The following MYO6 variants were observed in gnomAD, a reference collection of about 807,000 sequenced individuals.
MYO6 encodes the protein unconventional myosin-VI.
A neutral mutation model predicts 178.7 loss-of-function variants in MYO6; 74 were observed. The ratio of observed to expected loss-of-function variants is 0.41; its 90% CI spans 0.34 to 0.50. The LOEUF (loss-of-function observed/expected upper bound fraction) is 0.50, where lower values mean the gene tolerates loss of function less well. Among genes scored for constraint, MYO6 ranks in the 20% least tolerant of loss-of-function variants. MYO6 has a pLI of 0.09. For synonymous variants in MYO6, 477 were observed against 504.6 expected, an observed-to-expected ratio of 0.95 and a Z score of 0.73; for missense variants, 1,330 against 1,547.4, an observed-to-expected ratio of 0.86 and a Z score of 2.36.
At chr6:75,804,674 G>A (rs1769825753) in intron 1 of MYO6, among the ~76,000 whole-genome samples, 1 of 151,986 alleles carries the variant, frequency 6.6e-6, no homozygotes, top group Non-Finnish European at 1.5e-5. Context: ...GCAGTATGTG[G>A]TACATGGTAG....
chr6:75,848,334 G>A lies in MYO6; in HGVS notation c.898-17G>A, dbSNP rs775081960. ...ATAATGTAACGATCAGTTAATTGGT[G>A]TCTTCTTGTTTTGTAGTACCTTAAG... On this transcript the variant is annotated splice_polypyrimidine_tract_variant and intron_variant, in intron 10 of 34. Coordinates refer to ENST00000369977, the MANE Select transcript of MYO6 (RefSeq NM_004999.4). 4.3e-6 allele frequency: 7 copies of A among 1,609,666 alleles called. No homozygotes were observed. In the East Asian group the frequency reaches 1.3e-4, roughly 31 times the overall value.
chr6:75,905,538 G>C (rs567027929), intron 30 of MYO6, among the ~76,000 whole-genome samples: 29 of 152,360 alleles, frequency 1.9e-4, no homozygotes, highest in Admixed American at 1.6e-3. Flanking sequence ...CTGACCCCTT[G>C]CTCTTCTGGA....
At position 75,917,054 on chromosome 6, in the gene MYO6, G is replaced by A. The variant is rs1035860670; in HGVS notation, c.*2042G>A. On this transcript the variant is annotated 3_prime_UTR_variant, in exon 35 of 35. Transcript: ENST00000369977. Reference sequence around the variant, plus strand: ...TTCAGATAGATTTACAGTAACCTACGTACAGTAGATGCACATACACACAGA... The same window carrying A: ...TTCAGATAGATTTACAGTAACCTACATACAGTAGATGCACATACACACAGA... 1.5e-4 allele frequency: 23 copies of A among 152,246 alleles called. No individual in the cohort carries two copies. The highest frequency in any genetic ancestry group is 4.6e-4 in the African/African-American group (19 of 41,430). The allele number at this position is 152,246 out of a possible 1,614,324, so 9.4% of individuals were successfully genotyped here. A position where few individuals can be genotyped will look rare whatever the true frequency, so the allele number is the denominator to read the frequency against.
In MYO6 at chr6:75,786,071, A is replaced by G. The variant is rs1386367609; in HGVS notation, c.-47-31430A>G. ...GCTGGGATTACAGGCACCTGCCACC[A>G]CGCCCAGCTAAATTTTTTTTGTGTG... On this transcript the variant is annotated intron_variant, in intron 1 of 34. Coordinates refer to ENST00000369977, the MANE Select transcript of MYO6 (RefSeq NM_004999.4). Among the ~76,000 whole-genome samples, 3 of 151,852 alleles carry G rather than the reference A, an allele frequency of 2.0e-5. No individual in the cohort carries two copies. In the East Asian group the frequency reaches 5.8e-4, roughly 29 times the overall value.
intron 4 of MYO6, among the ~76,000 whole-genome samples, chr6:75,829,388 G>A (rs1772835674): frequency 6.6e-6 from 1 of 151,964 alleles, no homozygotes; most frequent in Admixed American, 6.6e-5. Flanking sequence ...TAAAGATGGG[G>A]CTGTTCATTA....
rs79441044 is a variant in MYO6, at chr6:75,827,034, G to T, written c.188-1506G>T. ...GGCTCTTGTTTGACACCATTGGTTA[G>T]GTGTTGAATAGTATGTTAGACATAC... is the stretch of plus-strand genomic sequence containing the variant. On this transcript the variant is annotated intron_variant, in intron 3 of 34. Coordinates refer to ENST00000369977, the MANE Select transcript of MYO6 (RefSeq NM_004999.4). 6.0e-4 allele frequency among the ~76,000 whole-genome samples: 92 copies of T among 152,334 alleles called. 1 individual carries two copies. The East Asian group carries it at 0.016, about 26-fold the overall frequency.
chr6:75,864,437 G>C (rs1226927600), intron 16 of MYO6, among the ~76,000 whole-genome samples: 2 of 152,144 alleles, frequency 1.3e-5, no homozygotes, highest in Admixed American at 6.5e-5. Flanking sequence ...ATCTATTTCT[G>C]TTACTTCAGT....
Position 75,915,149 on chromosome 6 carries a change from T to C in MYO6, c.*137T>C. ...AACAGATTTTATTAATCACGGCTTT[T>C]GGTGAATTTGTTTAAGGTTAATTAT... On this transcript the variant is annotated 3_prime_UTR_variant, in exon 35 of 35. Transcript: ENST00000369977. 1 of 923,762 alleles carries C rather than the reference T, an allele frequency of 1.1e-6. No homozygotes were observed. 57.2% of individuals were successfully genotyped at this position (923,762 alleles called of 1,614,324 possible). A position where few individuals can be genotyped will look rare whatever the true frequency, so the allele number is the denominator to read the frequency against.
rs865988492 is a variant in MYO6, at chr6:75,873,403, A to C, written c.2077+103A>C. ...AATTCACCATTATCTTGATTATTTT[A>C]CAGTGCAATAAAATTTTCATCTTAT... On this transcript the variant is annotated intron_variant, in intron 20 of 34. Coordinates refer to ENST00000369977, the MANE Select transcript of MYO6 (RefSeq NM_004999.4). The C allele has an allele frequency of 9.7e-6, 9 of 928,906 alleles. No homozygotes were observed. The Middle Eastern group carries it at 1.3e-3, about 131-fold the overall frequency. The allele number at this position is 928,906 out of a possible 1,614,324, so 57.5% of individuals were successfully genotyped here.
chr6:75,826,981 G>A (rs189257105), intron 3 of MYO6, among the ~76,000 whole-genome samples: 67 of 152,304 alleles, frequency 4.4e-4, no homozygotes, highest in African/African-American at 1.6e-3. Context: ...AGATGGATGG[G>A]CAGTCTGTGG....
chr6:75,784,100 T>C (rs1767266742), intron 1 of MYO6, among the ~76,000 whole-genome samples: 1 of 152,056 alleles, frequency 6.6e-6, no homozygotes, highest in Non-Finnish European at 1.5e-5. Context: ...GCCTCCCGAG[T>C]AGCTGGGATC....
At chr6:75,887,522 T>G (rs1778536019) in intron 25 of MYO6, among the ~76,000 whole-genome samples, 1 of 151,394 alleles carries the variant, frequency 6.6e-6, no homozygotes, top group South Asian at 2.1e-4. Context: ...GCACCTGTAA[T>G]TCCAGCTGCT....
intron 29 of MYO6, among the ~76,000 whole-genome samples, chr6:75,897,859 ATTCTTT>A (rs1329061055): frequency 6.6e-6 from 1 of 152,208 alleles, no homozygotes; most frequent in Non-Finnish European, 1.5e-5. Flanking sequence ...CCATTTTGAT[ATTCTTT>A]TTCTTAAAAG....
At chr6:75,904,766 G>C (rs201113880) in intron 30 of MYO6, among the ~76,000 whole-genome samples, 1 of 152,182 alleles carries the variant, frequency 6.6e-6, no homozygotes, top group African/African-American at 2.4e-5. Context: ...TTCCGTGGCT[G>C]GTGAGGAACT....
intron 13 of MYO6, among the ~76,000 whole-genome samples, chr6:75,858,629 T>G (rs1775932425): frequency 6.6e-6 from 1 of 152,036 alleles, no homozygotes; most frequent in Non-Finnish European, 1.5e-5. Context: ...AGTTAACATG[T>G]GGCTTACATT....
At chr6:75,847,032 T>A (rs1359309954) in intron 10 of MYO6, among the ~76,000 whole-genome samples, 1 of 152,098 alleles carries the variant, frequency 6.6e-6, no homozygotes, top group African/African-American at 2.4e-5. Flanking sequence ...TGTCTTTAGG[T>A]TGTGTGTAAT....
intron 1 of MYO6, among the ~76,000 whole-genome samples, chr6:75,750,054 C>G (rs1232059849): frequency 1.3e-5 from 2 of 151,814 alleles, no homozygotes; most frequent in Non-Finnish European, 2.9e-5. Context: ...GCTAGAACAT[C>G]CGTGTTTAAA....
chr6:75,860,785 T>C (rs1776134311), intron 14 of MYO6, among the ~76,000 whole-genome samples: 1 of 152,234 alleles, frequency 6.6e-6, no homozygotes, highest in Non-Finnish European at 1.5e-5. Flanking sequence ...ATGTATCATA[T>C]ATATTATATC....
intron 18 of MYO6, among the ~76,000 whole-genome samples, chr6:75,868,651 A>G (rs905490623): frequency 2.0e-5 from 3 of 152,128 alleles, no homozygotes; most frequent in Non-Finnish European, 4.4e-5. Flanking sequence ...GATACCTTGA[A>G]ATGAAATAGG....
Sources: gnomAD v4.1 joint callset for allele counts (sites outside exome capture counted in the v4.1 genomes callset) on GRCh38, gnomAD v4.1.1 for gene constraint, MANE v1.5 for transcripts, NCBI Gene and HGNC (gene_info 2026-07-23, HGNC 2026-07-21) for gene names.